ZFC3H1: variants seen among roughly 807,000 people sequenced by gnomAD.
ZFC3H1 encodes the protein zinc finger C3H1 domain-containing protein.
A neutral mutation model predicts 243.7 loss-of-function variants in ZFC3H1; 71 were observed. The ratio of observed to expected loss-of-function variants is 0.29; its 90% CI spans 0.24 to 0.36. The LOEUF (loss-of-function observed/expected upper bound fraction) is 0.36, where lower values mean the gene tolerates loss of function less well. ZFC3H1 is among the 10% of genes least tolerant of loss of function. The probability of loss-of-function intolerance (pLI) is 1.00; values close to 1 mark genes in which losing one functional copy is unlikely to be tolerated. For missense variants in ZFC3H1, 1,966 were observed against 2,317.1 expected, an observed-to-expected ratio of 0.85 and a Z score of 3.11; for synonymous variants, 838 against 813.0, an observed-to-expected ratio of 1.03 and a Z score of -0.52.
chr12:71,624,700 C>T (rs146447807), intron 22 of ZFC3H1, among the ~76,000 whole-genome samples: 3 of 152,278 alleles, frequency 2.0e-5, no homozygotes, highest in African/African-American at 7.2e-5. Context: ...ATGTGCTGGA[C>T]GCGATGGCTC....
At chr12:71,659,926 C>T (rs1881121565) in intron 1 of ZFC3H1, among the ~76,000 whole-genome samples, 1 of 152,142 alleles carries the variant, frequency 6.6e-6, no homozygotes, top group East Asian at 1.9e-4. Context: ...AGTAGTCATT[C>T]AAGGGAGACA....
intron 1 of ZFC3H1, among the ~76,000 whole-genome samples, chr12:71,660,623 C>A (rs928633377): frequency 6.6e-6 from 1 of 151,586 alleles, no homozygotes; most frequent in Non-Finnish European, 1.5e-5. Flanking sequence ...TGAATAAACA[C>A]GCAGAAAGAG....
chr12:71,647,761 A>G lies in ZFC3H1; in HGVS notation c.1068T>C (p.Ile356=). 1 of 1,477,262 alleles carries G rather than the reference A, an allele frequency of 6.8e-7. No homozygotes were observed. Among genetic ancestry groups the G allele is most frequent in the Non-Finnish European group, 9.2e-7 (1 of 1,084,716 alleles). The allele number at this position is 1,477,262 out of a possible 1,614,324, so 91.5% of individuals were successfully genotyped here. ...AGCAGTATCTTACCTTTTCAGACAG[A>G]ATATCTGAGGTACTAATTCTTCTTG... ...NLTRRISTSD[I]LSEKKLGEDE... The change falls in exon 3 of 35, where the codon ATT becomes ATC. Residue 356 remains isoleucine (I), a synonymous_variant. Coordinates refer to ENST00000378743, the MANE Select transcript of ZFC3H1 (RefSeq NM_144982.5).
intron 10 of ZFC3H1, 91 bp downstream of exon 10, chr12:71,635,352 T>A: frequency 6.9e-7 from 1 of 1,458,474 alleles, no homozygotes. Flanking sequence ...ATTAAAAATC[T>A]ATAACTTTAT....
At chr12:71,612,111 C>T (rs1879787865) in intron 31 of ZFC3H1, among the ~76,000 whole-genome samples, 1 of 152,092 alleles carries the variant, frequency 6.6e-6, no homozygotes, top group Non-Finnish European at 1.5e-5. Flanking sequence ...CCAAACTACA[C>T]TAAGGTCCAT....
chr12:71,653,659 C>T (rs1201856431), intron 2 of ZFC3H1, among the ~76,000 whole-genome samples: 1 of 152,164 alleles, frequency 6.6e-6, no homozygotes, highest in Non-Finnish European at 1.5e-5. Context: ...AATTGGAAAC[C>T]ATTAAGACTG....
chr12:71,641,352 A>G (rs1880598200), intron 6 of ZFC3H1, among the ~76,000 whole-genome samples: 1 of 152,150 alleles, frequency 6.6e-6, no homozygotes, highest in Non-Finnish European at 1.5e-5. Flanking sequence ...CAAATAATAC[A>G]TATTTTGTTT....
At position 71,663,120 on chromosome 12, in the gene ZFC3H1, C is replaced by A. The variant is rs201083050; in HGVS notation, c.491G>T (p.Gly164Val). 6.2e-7 allele frequency: 1 copy of A among 1,614,068 alleles called. No homozygotes were observed. Among genetic ancestry groups the A allele is most frequent in the Admixed American group, 1.7e-5 (1 of 60,028 alleles). Reference sequence around the variant, plus strand: ...GCACCCCGGCTTGCCTCCTCGCTCACCCACTCCTCGCCCCCGACTCCAGCG... The same window carrying A: ...GCACCCCGGCTTGCCTCCTCGCTCAACCACTCCTCGCCCCCGACTCCAGCG... ...GSRWSRGRGV[G>V]ERGGKPGCRP... The change falls in exon 1 of 35, where the codon GGT becomes GTT. Residue 164 changes from glycine to valine, a missense_variant. By Grantham distance (109) the Gly-to-Val change is moderately radical (BLOSUM62 -3). Coordinates refer to ENST00000378743, the MANE Select transcript of ZFC3H1 (RefSeq NM_144982.5).
intron 14 of ZFC3H1, 51 bp from the exon 15 acceptor site, chr12:71,632,565 C>T (rs1238646472): frequency 6.6e-7 from 1 of 1,505,630 alleles, no homozygotes; most frequent in Non-Finnish European, 8.8e-7. Flanking sequence ...ATTTTATAAA[C>T]AATTTTTGGT....
rs542784667 is a variant in ZFC3H1, at chr12:71,624,532, T to C, written c.4318-240A>G. Among the ~76,000 whole-genome samples the C allele has an allele frequency of 2.6e-5, 4 of 152,362 alleles. No homozygotes were observed. In the South Asian group the frequency reaches 8.3e-4, roughly 32 times the overall value. ...CAATACAGATATACTCTTAGAGATATCACTGAAGCAATTTCATTTCTCTTT... is the reference window on the plus strand; with the variant it reads ...CAATACAGATATACTCTTAGAGATACCACTGAAGCAATTTCATTTCTCTTT... On this transcript the variant is annotated intron_variant, in intron 22 of 34. Transcript: ENST00000378743.
In ZFC3H1 at chr12:71,609,613, A is replaced by G. The variant is rs1879718458; in HGVS notation, c.*815T>C. The G allele has an allele frequency of 6.6e-6, 1 of 152,192 alleles. No homozygotes were observed. The highest frequency in any genetic ancestry group is 6.6e-5 in the Admixed American group (1 of 15,260). 9.4% of individuals were successfully genotyped at this position (152,192 alleles called of 1,614,324 possible). ...GACAGCAAGAGTTTTTAGAAAGTTAACTTATATTAAAAAAGTATATAAACA... is the reference window on the plus strand; with the variant it reads ...GACAGCAAGAGTTTTTAGAAAGTTAGCTTATATTAAAAAAGTATATAAACA... On this transcript the variant is annotated 3_prime_UTR_variant, in exon 35 of 35. Transcript: ENST00000378743.
At chr12:71,613,629 G>A in intron 30 of ZFC3H1, 194 bp from the exon 31 acceptor site, 1 of 456,454 alleles carries the variant, frequency 2.2e-6, no homozygotes, top group Non-Finnish European at 3.9e-6. Flanking sequence ...AGGAAATATG[G>A]TCTAGTGATG....
chr12:71,629,522 GA>G (rs1880263979), intron 19 of ZFC3H1, 86 bp downstream of exon 19: 1 of 879,282 alleles, frequency 1.1e-6, no homozygotes, highest in African/African-American at 1.7e-5. Flanking sequence ...CTGTCATACA[GA>G]AACTAAAAAG....
Position 71,636,223 on chromosome 12 carries a change from G to C in ZFC3H1, c.2100+267C>G, listed in dbSNP as rs543244640. ...AGCCCATTTCTATAGAAAAAAAGCT[G>C]AAGAAATGTCAGAGGAAAGTACACC... On this transcript the variant is annotated intron_variant, in intron 9 of 34. Coordinates refer to ENST00000378743, the MANE Select transcript of ZFC3H1 (RefSeq NM_144982.5). Among the ~76,000 whole-genome samples, 3 of 151,252 alleles carry C rather than the reference G, an allele frequency of 2.0e-5. No homozygotes were observed. The South Asian group carries it at 6.2e-4, about 31-fold the overall frequency.
At chr12:71,650,999 C>A (rs1388097246) in intron 2 of ZFC3H1, among the ~76,000 whole-genome samples, 1 of 152,210 alleles carries the variant, frequency 6.6e-6, no homozygotes, top group Non-Finnish European at 1.5e-5. Context: ...TGTCAGGCAT[C>A]TTTCTGTATT....
At chr12:71,614,790 C>A in intron 29 of ZFC3H1, 44 bp downstream of exon 29, 1 of 1,601,826 alleles carries the variant, frequency 6.2e-7, no homozygotes, top group South Asian at 1.1e-5. Context: ...GATCATACCC[C>A]TTTATCCCCA....
Position 71,663,371 on chromosome 12 carries a change from C to G in ZFC3H1, c.240G>C (p.Gln80His). The change falls in exon 1 of 35, where the codon CAG becomes CAC. Residue 80 changes from glutamine (Q) to histidine (H), a missense_variant. Gln to His is a conservative substitution (Grantham distance 24). This residue lies in a region of ZFC3H1 where 484 missense variants were observed against 449.7 expected (regional missense o/e 1.08). Transcript: ENST00000378743. ...GGSSSSSSSS[Q>H]QQLRNFSRSR... The stretch of plus-strand genomic sequence containing the variant: ...AGCGTGAGAAATTCCTCAGCTGCTG[C>G]TGAGAAGAGGACGATGACGAGGAAG... The G allele has an allele frequency of 6.2e-7, 1 of 1,612,954 alleles. No homozygotes were observed. The highest frequency in any genetic ancestry group is 1.6e-4 in the Middle Eastern group (1 of 6,062).
intron 5 of ZFC3H1, among the ~76,000 whole-genome samples, chr12:71,643,006 T>C (rs1427549496): frequency 6.6e-6 from 1 of 152,206 alleles, no homozygotes; most frequent in Non-Finnish European, 1.5e-5. Context: ...AAGCTATAAA[T>C]TCTGGGTAAA....
rs1412530364 is a variant in ZFC3H1, at chr12:71,620,476, A to G, written c.4745-161T>C. Among the ~76,000 whole-genome samples the G allele has an allele frequency of 2.6e-5, 4 of 152,184 alleles. No individual in the cohort carries two copies. In the East Asian group the frequency reaches 5.8e-4, roughly 22 times the overall value. On this transcript the variant is annotated intron_variant, in intron 24 of 34. Coordinates refer to ENST00000378743, the MANE Select transcript of ZFC3H1 (RefSeq NM_144982.5). ...CCTTTACTGAGCTGGCTTTTACTCA[A>G]AGGAAGTAATTCAAGTAATCTCCAA...
Sources: gnomAD v4.1 joint callset for allele counts (sites outside exome capture counted in the v4.1 genomes callset) on GRCh38, gnomAD v4.1.1 for gene constraint, gnomAD v4.1.1 regional missense constraint, MANE v1.5 for transcripts, NCBI Gene and HGNC (gene_info 2026-07-23, HGNC 2026-07-21) for gene names.